Variants in ADCY8 observed in about 807,000 individuals in gnomAD.
The protein encoded by ADCY8 is adenylate cyclase 8.
In ADCY8, 51 loss-of-function variants were observed where a neutral mutation model predicts 119.7. The ratio of observed to expected loss-of-function variants is 0.43; its 90% confidence interval spans 0.34 to 0.54. ADCY8 has a LOEUF of 0.54. Ranked by LOEUF, ADCY8 falls within the 20% of genes least tolerant of loss-of-function variation. The pLI is 0.03. For synonymous variants in ADCY8, 665 were observed against 651.0 expected (o/e 1.02, Z -0.33); for missense variants, 1,383 against 1,598.8 (o/e 0.87, Z 2.30).
intron 7 of ADCY8, 25 bp from the exon 8 acceptor site, chr8:130,884,786 C>A (rs1818916059): frequency 6.2e-7 from 1 of 1,606,706 alleles, no homozygotes; most frequent in Non-Finnish European, 8.5e-7. Flanking sequence ...CATGCAAACA[C>A]AATAAACCTG....
At chr8:130,897,195 G>A (rs1453663478) in intron 7 of ADCY8, among the ~76,000 whole-genome samples, 1 of 152,060 alleles carries the variant, frequency 6.6e-6, no homozygotes, top group East Asian at 1.9e-4. Flanking sequence ...TCACTCTGAG[G>A]AGCCTGAGGC....
At chr8:130,951,787 G>A (rs1586600128) in intron 3 of ADCY8, 81 bp downstream of exon 3, 25 of 1,549,196 alleles carry the variant, frequency 1.6e-5, no homozygotes, top group African/African-American at 4.1e-5. Flanking sequence ...TCAAGCAGAC[G>A]GAAGTCACGG....
intron 7 of ADCY8, among the ~76,000 whole-genome samples, chr8:130,891,510 A>G (rs1384742535): frequency 6.6e-6 from 1 of 152,200 alleles, no homozygotes; most frequent in East Asian, 1.9e-4. Flanking sequence ...AACCTAGTTA[A>G]TATACCCATC....
At chr8:130,795,180 T>A (rs1329754308) in intron 15 of ADCY8, among the ~76,000 whole-genome samples, 2 of 152,232 alleles carry the variant, frequency 1.3e-5, no homozygotes, top group Non-Finnish European at 2.9e-5. Flanking sequence ...GGGCTCTGCC[T>A]CCGTCGATCA....
At chr8:130,859,280 C>G (rs777667764) in intron 9 of ADCY8, among the ~76,000 whole-genome samples, 5 of 152,198 alleles carry the variant, frequency 3.3e-5, no homozygotes, top group Non-Finnish European at 7.3e-5. Flanking sequence ...CAACTCTAAT[C>G]CATTACCACC....
chr8:130,949,292 C>T (rs925360076), intron 3 of ADCY8, among the ~76,000 whole-genome samples: 1 of 151,994 alleles, frequency 6.6e-6, no homozygotes, highest in African/African-American at 2.4e-5. Context: ...GGTGTGGACG[C>T]GCTGGCTTGT....
At chr8:130,967,302 A>G (rs1159351731) in intron 2 of ADCY8, among the ~76,000 whole-genome samples, 1 of 152,224 alleles carries the variant, frequency 6.6e-6, no homozygotes, top group African/African-American at 2.4e-5. Context: ...TTAGTGGTCT[A>G]AGACCCTAGG....
chr8:130,797,168 C>T (rs368403), intron 15 of ADCY8, among the ~76,000 whole-genome samples: 46,836 of 152,112 alleles, frequency 0.31, 8,728 homozygotes, highest in East Asian at 0.67. Context: ...TGGCCCAGGA[C>T]GTCTTTGAAT....
At chr8:130,958,703 G>A (rs72714502) in intron 2 of ADCY8, among the ~76,000 whole-genome samples, 9,111 of 152,184 alleles carry the variant, frequency 0.06, 319 homozygotes, top group African/African-American at 0.092. Context: ...CTGCCCCTAT[G>A]ATTTAGTTAT....
chr8:130,898,584 C>T (rs1279196688), intron 7 of ADCY8, among the ~76,000 whole-genome samples: 3 of 152,268 alleles, frequency 2.0e-5, no homozygotes, highest in African/African-American at 7.2e-5. Flanking sequence ...AGCGGAGTAA[C>T]AGAAACATGC....
intron 6 of ADCY8, among the ~76,000 whole-genome samples, chr8:130,905,266 T>A (rs947374184): frequency 2.6e-5 from 4 of 152,240 alleles, no homozygotes; most frequent in African/African-American, 9.6e-5. Context: ...AAGACTATTG[T>A]CAGGCCTTCT....
chr8:130,978,206 C>G (rs148450601), intron 2 of ADCY8, among the ~76,000 whole-genome samples: 1 of 152,258 alleles, frequency 6.6e-6, no homozygotes, highest in Non-Finnish European at 1.5e-5. Flanking sequence ...TGTGTGAAAA[C>G]TAAAATGCTT....
intron 5 of ADCY8, among the ~76,000 whole-genome samples, chr8:130,936,555 C>G (rs968513804): frequency 1.3e-5 from 2 of 151,710 alleles, no homozygotes; most frequent in African/African-American, 4.8e-5. Context: ...CTCTTGAAAA[C>G]TCTCCCCTCC....
chr8:130,793,779 A>G (rs1815495770), intron 15 of ADCY8, among the ~76,000 whole-genome samples: 1 of 152,196 alleles, frequency 6.6e-6, no homozygotes. Context: ...AGTTTAGAAG[A>G]TCATAAGTGC....
chr8:130,983,639 C>T (rs1822305744), intron 2 of ADCY8, among the ~76,000 whole-genome samples: 1 of 152,082 alleles, frequency 6.6e-6, no homozygotes, highest in Admixed American at 6.5e-5. Context: ...GGCTGTGATG[C>T]AGGGTAAATG....
chr8:130,956,473 C>T (rs73348526), intron 2 of ADCY8, among the ~76,000 whole-genome samples: 2,201 of 152,240 alleles, frequency 0.014, 32 homozygotes, highest in African/African-American at 0.03. Context: ...ATCTCATTTC[C>T]GTGGTGAAGG....
intron 14 of ADCY8, among the ~76,000 whole-genome samples, chr8:130,813,574 T>C (rs78578832): frequency 0.033 from 5,000 of 152,326 alleles, 273 homozygotes; most frequent in African/African-American, 0.11. Context: ...TCCCTTCTTT[T>C]TAAAGCCTGA....
At chr8:130,812,607 A>G (rs1439629184) in intron 14 of ADCY8, among the ~76,000 whole-genome samples, 2 of 152,236 alleles carry the variant, frequency 1.3e-5, no homozygotes, top group Non-Finnish European at 2.9e-5. Flanking sequence ...AGAAGCTGGA[A>G]AAGCCAAGGA....
At chr8:131,016,214 T>TG (rs1372242235) in intron 1 of ADCY8, among the ~76,000 whole-genome samples, 1 of 150,758 alleles carries the variant, frequency 6.6e-6, no homozygotes, top group Non-Finnish European at 1.5e-5. Flanking sequence ...TGCAGTATGG[T>TG]GGGGGGAGGT....
Sources: gnomAD v4.1 joint callset for allele counts (sites outside exome capture counted in the v4.1 genomes callset) on GRCh38, gnomAD v4.1.1 for gene constraint, MANE v1.5 for transcripts, NCBI Gene and HGNC (gene_info 2026-07-23, HGNC 2026-07-21) for gene names.